Variants in PDCD4 observed in about 807,000 individuals in gnomAD.
PDCD4 encodes the protein programmed cell death 4, also known as programmed cell death protein 4.
A neutral mutation model predicts 54.0 loss-of-function variants in PDCD4; 56 were observed. The observed-to-expected ratio is 1.04, with a 90% CI of 0.84 to 1.30. PDCD4 has a LOEUF of 1.30. Among genes scored for constraint, PDCD4 ranks in the 50% most tolerant of loss-of-function variants. The pLI is 0.00. For synonymous variants in PDCD4, 186 were observed against 194.8 expected (o/e 0.95, Z 0.37); for missense variants, 584 against 559.8 (o/e 1.04, Z -0.44).
In PDCD4 at chr10:110,881,342, C is replaced by T. The variant is rs146426368; in HGVS notation, c.153C>T (p.Asn51=). 1.2e-4 allele frequency: 189 copies of T among 1,614,054 alleles called. 3 individuals carry two copies. Among genetic ancestry groups the T allele is most frequent in the South Asian group, 9.6e-4 (87 of 91,084 alleles). The change falls in exon 3 of 12, where the codon AAC becomes AAT. Residue 51 remains asparagine (N), a synonymous_variant. Coordinates refer to ENST00000280154, the MANE Select transcript of PDCD4 (RefSeq NM_014456.5). ...NGNWISASSI[N]EARINAKAKR... ...ATTGGATTTCAGCATCCTCCATTAA[C>T]GAAGCTAGAATTAATGCCAAGGCAA...
At chr10:110,894,636 G>A in intron 10 of PDCD4, 114 bp downstream of exon 10, 3 of 476,776 alleles carry the variant, frequency 6.3e-6, no homozygotes, top group Non-Finnish European at 1.1e-5. Flanking sequence ...GTGTTAATAT[G>A]CCTATATGTT....
At chr10:110,892,546 A>C (rs1471640778) in intron 8 of PDCD4, among the ~76,000 whole-genome samples, 1 of 152,194 alleles carries the variant, frequency 6.6e-6, no homozygotes, top group African/African-American at 2.4e-5. Context: ...TTATGTAACA[A>C]ATGTTAAAAG....
Position 110,894,292 on chromosome 10 carries a change from TA to T in PDCD4, c.1098+96del, listed in dbSNP as rs1845798197. On this transcript the variant is annotated intron_variant, in intron 9 of 11. Coordinates refer to ENST00000280154, the MANE Select transcript of PDCD4 (RefSeq NM_014456.5). ...TTTTAAATAATGTACATCCTTTTTTTAATATCAAAGGAGGAAGTGGTTATTA... is the reference window on the plus strand; with the variant it reads ...TTTTAAATAATGTACATCCTTTTTTTATATCAAAGGAGGAAGTGGTTATTA... 15 of 901,354 alleles carry T rather than the reference TA, an allele frequency of 1.7e-5. No individual in the cohort carries two copies. The South Asian group carries it at 2.1e-4, about 13-fold the overall frequency. 55.8% of individuals were successfully genotyped at this position (901,354 alleles called of 1,614,324 possible). A position where few individuals can be genotyped will look rare whatever the true frequency, so the allele number is the denominator to read the frequency against.
intron 1 of PDCD4, among the ~76,000 whole-genome samples, chr10:110,872,516 AGCCCCGGCCTCG>A (rs1295522028): frequency 5.9e-5 from 9 of 152,014 alleles, no homozygotes; most frequent in Non-Finnish European, 1.2e-4. Context: ...GTGAACCCGG[AGCCCCGGCCTCG>A]GCCCCGGCCC....
intron 5 of PDCD4, among the ~76,000 whole-genome samples, chr10:110,887,221 G>T (rs570510708): frequency 6.6e-6 from 1 of 152,204 alleles, no homozygotes; most frequent in South Asian, 2.1e-4. Context: ...GTTGTCTACA[G>T]TATTCAGTAT....
chr10:110,896,616 G>A (rs577823659), intron 11 of PDCD4, among the ~76,000 whole-genome samples: 7 of 151,900 alleles, frequency 4.6e-5, no homozygotes, highest in Non-Finnish European at 8.8e-5. Context: ...TATGTGTGTG[G>A]GTGATTTTCC....
At chr10:110,874,283 A>G (rs889443709) in intron 1 of PDCD4, among the ~76,000 whole-genome samples, 3 of 152,256 alleles carry the variant, frequency 2.0e-5, no homozygotes, top group African/African-American at 7.2e-5. Flanking sequence ...CATTTCGCTT[A>G]TTAGGTTCTG....
intron 2 of PDCD4, among the ~76,000 whole-genome samples, chr10:110,878,623 CTT>C (rs1359134939): frequency 6.6e-6 from 1 of 152,174 alleles, no homozygotes; most frequent in Non-Finnish European, 1.5e-5. Flanking sequence ...TTGTTCGTCT[CTT>C]TAGCTGTCAA....
chr10:110,889,386 T>C, intron 6 of PDCD4, 147 bp from the exon 7 acceptor site: 2 of 626,680 alleles, frequency 3.2e-6, no homozygotes, highest in South Asian at 1.8e-5. Flanking sequence ...AGGTACTACA[T>C]AGGTTTTTTT....
chr10:110,882,928 C>G (rs920682742), intron 3 of PDCD4, 75 bp from the exon 4 acceptor site: 18 of 941,412 alleles, frequency 1.9e-5, no homozygotes, highest in South Asian at 2.8e-5. Flanking sequence ...TGTTTAACAT[C>G]GGAACATTTT....
intron 7 of PDCD4, 85 bp downstream of exon 7, chr10:110,889,715 A>G (rs1216182154): frequency 2.6e-6 from 2 of 775,438 alleles, no homozygotes; most frequent in African/African-American, 3.5e-5. Context: ...TGTGTTAATC[A>G]GACACTCTGT....
At chr10:110,886,062 T>C (rs1233163871) in intron 5 of PDCD4, among the ~76,000 whole-genome samples, 1 of 152,194 alleles carries the variant, frequency 6.6e-6, no homozygotes, top group East Asian at 1.9e-4. Context: ...TTGTAGGATT[T>C]GAATATAAGA....
intron 4 of PDCD4, among the ~76,000 whole-genome samples, chr10:110,884,006 C>T (rs1251162480): frequency 6.6e-6 from 1 of 152,114 alleles, no homozygotes; most frequent in Non-Finnish European, 1.5e-5. Flanking sequence ...TATAGCAGTC[C>T]CCTCTTATCC....
Position 110,881,291 on chromosome 10 carries a change from G to A in PDCD4, c.102G>A (p.Glu34=), listed in dbSNP as rs140217953. Residue 34 remains glutamate, a synonymous_variant, in exon 3 of 12, where the codon GAG becomes GAA. Coordinates refer to ENST00000280154, the MANE Select transcript of PDCD4 (RefSeq NM_014456.5). ...FSGDEENAGT[E]EIKNEINGNW... ...GTGATGAAGAAAATGCTGGGACTGA[G>A]GAAATAAAGAATGAAATAAATGGAA... is the stretch of plus-strand genomic sequence containing the variant. 272 of 1,613,442 alleles carry A rather than the reference G, an allele frequency of 1.7e-4. No homozygotes were observed. In the African/African-American group the frequency reaches 3.0e-3, roughly 18 times the overall value.
At chr10:110,886,591 C>T (rs1845673102) in intron 5 of PDCD4, among the ~76,000 whole-genome samples, 1 of 152,092 alleles carries the variant, frequency 6.6e-6, no homozygotes, top group Non-Finnish European at 1.5e-5. Context: ...AAGAGGAGGG[C>T]ACTCTAACTG....
intron 2 of PDCD4, among the ~76,000 whole-genome samples, chr10:110,877,115 A>G (rs995871193): frequency 1.3e-5 from 2 of 152,208 alleles, no homozygotes; most frequent in Non-Finnish European, 1.5e-5. Flanking sequence ...ATTAATGATC[A>G]TTTCTGTGCT....
chr10:110,889,636 T>C lies in PDCD4; in HGVS notation c.875+6T>C. The C allele has an allele frequency of 6.8e-7, 1 of 1,475,874 alleles. No individual in the cohort carries two copies. The highest frequency in any genetic ancestry group is 9.4e-7 in the Non-Finnish European group (1 of 1,065,196). The allele number at this position is 1,475,874 out of a possible 1,614,324, so 91.4% of individuals were successfully genotyped here. ...GTAGATTGTGTGCAGGCTAGGTAAGTAAATCACTTTTCCTACTTAGAATTT... is the reference window on the plus strand; with the variant it reads ...GTAGATTGTGTGCAGGCTAGGTAAGCAAATCACTTTTCCTACTTAGAATTT... On this transcript the variant is annotated splice_donor_region_variant and intron_variant, in intron 7 of 11. Transcript: ENST00000280154.
chr10:110,888,502 G>T (rs1337434927), intron 6 of PDCD4, among the ~76,000 whole-genome samples: 1 of 152,014 alleles, frequency 6.6e-6, no homozygotes, highest in Non-Finnish European at 1.5e-5. Context: ...TTAAGAAAAT[G>T]ATTACATAAG....
chr10:110,891,933 A>G (rs1006811783), intron 8 of PDCD4, among the ~76,000 whole-genome samples: 2 of 152,210 alleles, frequency 1.3e-5, no homozygotes, highest in African/African-American at 2.4e-5. Flanking sequence ...CCCAGATAAC[A>G]TGATCTGTAT....
Sources: gnomAD v4.1 joint callset for allele counts (sites outside exome capture counted in the v4.1 genomes callset) on GRCh38, gnomAD v4.1.1 for gene constraint, MANE v1.5 for transcripts, NCBI Gene and HGNC (gene_info 2026-07-23, HGNC 2026-07-21) for gene names.